Variants in AFAP1L1 observed in about 807,000 individuals in gnomAD.
AFAP1L1 encodes actin filament associated protein 1 like 1.
AFAP1L1 carries 77 observed loss-of-function variants against 99.8 expected under a neutral mutation model. The ratio of observed to expected loss-of-function variants is 0.77; its 90% CI spans 0.64 to 0.93. The LOEUF (loss-of-function observed/expected upper bound fraction) is 0.93, where lower values mean the gene tolerates loss of function less well. Ranked by LOEUF, AFAP1L1 falls within the 40% of genes least tolerant of loss-of-function variation. The pLI is 0.00. For missense variants in AFAP1L1, 893 were observed against 996.8 expected (o/e 0.90, Z 1.40); for synonymous variants, 373 against 395.3 (o/e 0.94, Z 0.67).
intron 7 of AFAP1L1, 48 bp downstream of exon 7, chr5:149,307,661 A>G: frequency 1.3e-6 from 2 of 1,583,330 alleles, no homozygotes; most frequent in Non-Finnish European, 1.7e-6. Context: ...ATGGACTTGC[A>G]TGTGGGTGTG....
intron 1 of AFAP1L1, among the ~76,000 whole-genome samples, chr5:149,281,868 G>T (rs1265199680): frequency 2.6e-5 from 4 of 152,172 alleles, no homozygotes; most frequent in Non-Finnish European, 4.4e-5. Context: ...GGAAAAGGAG[G>T]TCTGAATAAT....
At chr5:149,319,064 A>C (rs1756877271) in intron 12 of AFAP1L1, among the ~76,000 whole-genome samples, 1 of 152,216 alleles carries the variant, frequency 6.6e-6, no homozygotes, top group Non-Finnish European at 1.5e-5. Context: ...TTTGTGTGCT[A>C]ATTTAATTTT....
chr5:149,303,782 G>A (rs967858928), intron 5 of AFAP1L1, among the ~76,000 whole-genome samples: 3 of 152,128 alleles, frequency 2.0e-5, no homozygotes, highest in African/African-American at 4.8e-5. Flanking sequence ...AGAAATATGG[G>A]TGAAGGGAAC....
intron 1 of AFAP1L1, among the ~76,000 whole-genome samples, chr5:149,285,617 C>T (rs73795963): frequency 0.02 from 2,996 of 152,264 alleles, 102 homozygotes; most frequent in African/African-American, 0.067. Flanking sequence ...TGAGGAGGGA[C>T]TATCCCACCT....
rs147951410 is a variant in AFAP1L1, at chr5:149,302,420, G to A, written c.330G>A (p.Ala110=). 173 of 1,578,490 alleles carry A rather than the reference G, an allele frequency of 1.1e-4. No homozygotes were observed. The African/African-American group carries it at 1.7e-3, about 15-fold the overall frequency. Residue 110 remains alanine, a splice_region_variant and synonymous_variant, in exon 5 of 19, where the codon GCG becomes GCA. Transcript: ENST00000296721. ...ELAKSPRLRN[A]ADLPPPLPNK... is the part of the protein sequence containing the mutation. ...CCCTCTTTTTTGTCCCCTTGCAGGC[G>A]GCCGACCTGCCTCCACCGCTCCCCA...
intron 18 of AFAP1L1, among the ~76,000 whole-genome samples, 189 bp from the exon 19 acceptor site, chr5:149,339,818 T>TGAAGGGAC (rs1757510850): frequency 6.6e-6 from 1 of 152,098 alleles, no homozygotes; most frequent in South Asian, 2.1e-4. Context: ...TGAGAATGGA[T>TGAAGGGAC]GAAGGGACAA....
At chr5:149,316,506 G>A (rs999342942) in intron 11 of AFAP1L1, among the ~76,000 whole-genome samples, 27 of 152,048 alleles carry the variant, frequency 1.8e-4, no homozygotes, top group Admixed American at 1.8e-3. Context: ...GACACTCAAC[G>A]AAAGGAAAAG....
chr5:149,308,948 C>A (rs933055161), intron 7 of AFAP1L1, among the ~76,000 whole-genome samples: 14 of 150,186 alleles, frequency 9.3e-5, no homozygotes, highest in South Asian at 4.2e-4. Context: ...AAAAAAAAAA[C>A]CAATGTTTTT....
chr5:149,298,945 G>A (rs1446685093), intron 1 of AFAP1L1, among the ~76,000 whole-genome samples: 1 of 152,236 alleles, frequency 6.6e-6, no homozygotes, highest in East Asian at 1.9e-4. Flanking sequence ...TTGGTGTCAC[G>A]TGGAAAGAAA....
chr5:149,319,626 G>A lies in AFAP1L1; in HGVS notation c.1524G>A (p.Leu508=), dbSNP rs1349104339. The change falls in exon 13 of 19, where the codon CTG becomes CTA. Residue 508 remains leucine (L), a synonymous_variant. Coordinates refer to ENST00000296721, the MANE Select transcript of AFAP1L1 (RefSeq NM_152406.4). ...EDMGRWLGLL[L]VEMGSRVTPE... Reference sequence around the variant, plus strand: ...TGGGTCGCTGGCTCGGGCTGCTGCTGGTGGAGATGGGCTCCAGAGTCACTC... The same window carrying A: ...TGGGTCGCTGGCTCGGGCTGCTGCTAGTGGAGATGGGCTCCAGAGTCACTC... 8 of 1,613,200 alleles carry A rather than the reference G, an allele frequency of 5.0e-6. No homozygotes were observed. The highest frequency in any genetic ancestry group is 6.8e-6 in the Non-Finnish European group (8 of 1,179,958).
intron 5 of AFAP1L1, 156 bp downstream of exon 5, chr5:149,302,682 C>T (rs1756267705): frequency 1.6e-6 from 1 of 644,538 alleles, no homozygotes; most frequent in South Asian, 2.3e-5. Flanking sequence ...GGCACCTGGC[C>T]TCTTCGGTGA....
In AFAP1L1 at chr5:149,320,590, G is replaced by T; in HGVS notation, c.1698+127G>T. Reference sequence around the variant, plus strand: ...TTAAGCAGCAGTAGCTAGAAGGGGAGCCCCTTCTTATCATAGAGCATGGCT... The same window carrying T: ...TTAAGCAGCAGTAGCTAGAAGGGGATCCCCTTCTTATCATAGAGCATGGCT... On this transcript the variant is annotated intron_variant, in intron 14 of 18. Coordinates refer to ENST00000296721, the MANE Select transcript of AFAP1L1 (RefSeq NM_152406.4). This position sits in a 1 kb window ranked among gnomAD's most constrained non-coding sequence, Gnocchi z 4.0. 1.1e-5 allele frequency: 9 copies of T among 838,066 alleles called. No homozygotes were observed. Among genetic ancestry groups the T allele is most frequent in the Non-Finnish European group, 1.1e-5 (6 of 528,888 alleles). The allele number at this position is 838,066 out of a possible 1,614,324, so 51.9% of individuals were successfully genotyped here.
At chr5:149,302,687 CG>C (rs1756267991) in intron 5 of AFAP1L1, 161 bp downstream of exon 5, 1 of 603,890 alleles carries the variant, frequency 1.7e-6, no homozygotes, top group African/African-American at 1.9e-5. Flanking sequence ...CTGGCCTCTT[CG>C]GTGACAGCCT....
At chr5:149,318,054 G>T in intron 12 of AFAP1L1, 114 bp downstream of exon 12, 1 of 1,257,392 alleles carries the variant, frequency 8.0e-7, no homozygotes, top group Admixed American at 2.4e-5. Flanking sequence ...TGAAGGGGAA[G>T]GAAAGCAAGC....
chr5:149,275,533 T>A (rs1755290171), intron 1 of AFAP1L1, among the ~76,000 whole-genome samples: 1 of 151,934 alleles, frequency 6.6e-6, no homozygotes, highest in African/African-American at 2.4e-5. Context: ...TGAGACAGAG[T>A]CTCACTCTGT....
intron 5 of AFAP1L1, chr5:149,304,135 TGTG>T (rs1756322047): frequency 6.6e-6 from 1 of 152,260 alleles, no homozygotes; most frequent in Non-Finnish European, 1.5e-5. Context: ...TGTGGCCTTT[TGTG>T]TCTGGCTTCT....
In AFAP1L1 at chr5:149,320,544, C is replaced by T; in HGVS notation, c.1698+81C>T. ...CTCTTTCTGCTCCCTTTACCTTCTGCCTCAGAAAGATCATTTTCATTTAAG... is the reference window on the plus strand; with the variant it reads ...CTCTTTCTGCTCCCTTTACCTTCTGTCTCAGAAAGATCATTTTCATTTAAG... On this transcript the variant is annotated intron_variant, in intron 14 of 18. Coordinates refer to ENST00000296721, the MANE Select transcript of AFAP1L1 (RefSeq NM_152406.4). This position sits in a 1 kb window ranked among gnomAD's most constrained non-coding sequence, Gnocchi z 4.0. The T allele has an allele frequency of 7.7e-7, 1 of 1,292,184 alleles. No homozygotes were observed. Among genetic ancestry groups the T allele is most frequent in the Non-Finnish European group, 1.1e-6 (1 of 898,164 alleles). The allele number at this position is 1,292,184 out of a possible 1,614,324, so 80.0% of individuals were successfully genotyped here. A position where few individuals can be genotyped will look rare whatever the true frequency, so the allele number is the denominator to read the frequency against.
chr5:149,291,912 C>A (rs190362454), intron 1 of AFAP1L1, among the ~76,000 whole-genome samples: 1 of 152,270 alleles, frequency 6.6e-6, no homozygotes, highest in Non-Finnish European at 1.5e-5. Flanking sequence ...TCACAGTGGT[C>A]TTTTTCCATT....
chr5:149,322,736 T>C lies in AFAP1L1; in HGVS notation c.1810+19T>C. On this transcript the variant is annotated intron_variant, in intron 15 of 18. Coordinates refer to ENST00000296721, the MANE Select transcript of AFAP1L1 (RefSeq NM_152406.4). ...GCCTCCAGTGAGTTGTGTGTGGGCCTCCCCTGCTGACTAGGGAGGAAGGAA... is the reference window on the plus strand; with the variant it reads ...GCCTCCAGTGAGTTGTGTGTGGGCCCCCCCTGCTGACTAGGGAGGAAGGAA... The C allele has an allele frequency of 6.4e-7, 1 of 1,556,402 alleles. No homozygotes were observed. Among genetic ancestry groups the C allele is most frequent in the East Asian group, 2.4e-5 (1 of 42,084 alleles).
Sources: allele counts gnomAD v4.1 joint callset (sites outside exome capture counted in the v4.1 genomes callset), GRCh38; gene constraint gnomAD v4.1.1; non-coding constraint Gnocchi (gnomAD v3.1); transcripts MANE v1.5; gene names NCBI Gene and HGNC (gene_info 2026-07-23, HGNC 2026-07-21).